CELSR1: variants seen among roughly 807,000 people sequenced by gnomAD.
CELSR1 encodes adhesion G protein-coupled receptor C1.
Under a neutral mutation model 249.1 loss-of-function variants are expected in CELSR1, and 110 were observed. That is an observed-to-expected ratio of 0.44 (90% CI 0.38 to 0.52). CELSR1 has a LOEUF of 0.52. Ranked by LOEUF, CELSR1 falls within the 20% of genes least tolerant of loss-of-function variation. The probability of loss-of-function intolerance (pLI) is 0.00; values close to 1 mark genes in which losing one functional copy is unlikely to be tolerated. For synonymous variants in CELSR1, 2,113 were observed against 1,900.0 expected, an observed-to-expected ratio of 1.11 and a Z score of -2.92; for missense variants, 4,109 against 4,296.4, an observed-to-expected ratio of 0.96 and a Z score of 1.22.
chr22:46,503,523 C>T (rs1185082525), intron 1 of CELSR1, among the ~76,000 whole-genome samples: 1 of 152,262 alleles, frequency 6.6e-6, no homozygotes, highest in East Asian at 1.9e-4. Flanking sequence ...ATGAACTCAA[C>T]CAACTGCATC....
intron 1 of CELSR1, chr22:46,530,337 T>C (rs946819382): frequency 2.7e-5 from 4 of 148,918 alleles, no homozygotes; most frequent in African/African-American, 7.3e-5. Flanking sequence ...TATAATTCAT[T>C]ATAACATATA....
intron 1 of CELSR1, among the ~76,000 whole-genome samples, chr22:46,516,035 G>A (rs1161819078): frequency 1.3e-5 from 2 of 152,212 alleles, no homozygotes; most frequent in African/African-American, 4.8e-5. Context: ...GAACCATTGT[G>A]GAAGACAGTG....
intron 22 of CELSR1, among the ~76,000 whole-genome samples, chr22:46,379,912 G>A (rs1010653831): frequency 6.6e-6 from 1 of 152,154 alleles, no homozygotes; most frequent in Non-Finnish European, 1.5e-5. Flanking sequence ...CCGGCAACAG[G>A]GCCCTTCCCA....
At chr22:46,525,314 T>C (rs1243053674) in intron 1 of CELSR1, among the ~76,000 whole-genome samples, 1 of 152,068 alleles carries the variant, frequency 6.6e-6, no homozygotes, top group Non-Finnish European at 1.5e-5. Flanking sequence ...CCGGGTGTGG[T>C]GGTGCGCGCC....
Position 46,408,887 on chromosome 22 carries a change from G to T in CELSR1, c.5226+109C>A. 1 of 873,064 alleles carries T rather than the reference G, an allele frequency of 1.1e-6. No individual in the cohort carries two copies. The highest frequency in any genetic ancestry group is 1.7e-6 in the Non-Finnish European group (1 of 592,168). The allele number at this position is 873,064 out of a possible 1,614,324, so 54.1% of individuals were successfully genotyped here. On this transcript the variant is annotated intron_variant, in intron 9 of 34. Transcript: ENST00000674500. This position sits in a 1 kb window ranked among gnomAD's most constrained non-coding sequence, Gnocchi z 4.6. Reference sequence around the variant, plus strand: ...GAGAACCCCAGGGGCGGGCGCCGGAGGAAGGGCGAGTAGCAGGTGCCCGAG... The same window carrying T: ...GAGAACCCCAGGGGCGGGCGCCGGATGAAGGGCGAGTAGCAGGTGCCCGAG...
chr22:46,369,765 G>C lies in CELSR1; in HGVS notation c.7799C>G (p.Pro2600Arg), dbSNP rs770914606. The change falls in exon 26 of 35, where the codon CCC (proline) becomes CGC (arginine). Residue 2600 changes from proline to arginine, a missense_variant. Physicochemically the swap from Pro to Arg is moderately radical, Grantham distance 103. This residue lies in a region of CELSR1 where 1,805 missense variants were observed against 1,831.6 expected (regional missense o/e 0.99). Transcript: ENST00000674500. Reference sequence around the variant, plus strand: ...TTGAAGCGACAGCCAGCAGAAGTCGGGGTTCCCGTAGCCCTGGGGGTCCAG... The same window carrying C: ...TTGAAGCGACAGCCAGCAGAAGTCGCGGTTCCCGTAGCCCTGGGGGTCCAG... ...VGLDPQGYGN[P>R]DFCWLSLQDT... 6.2e-6 allele frequency: 10 copies of C among 1,613,338 alleles called. No homozygotes were observed. Among genetic ancestry groups the C allele is most frequent in the Non-Finnish European group, 8.5e-6 (10 of 1,180,000 alleles).
At position 46,391,692 on chromosome 22, in the gene CELSR1, C is replaced by A; in HGVS notation, c.6089G>T (p.Gly2030Val). Residue 2030 changes from glycine to valine, a missense_variant, in exon 15 of 35, where the codon GGC (glycine) becomes GTC (valine). This residue lies in a region of CELSR1 where 1,805 missense variants were observed against 1,831.6 expected (regional missense o/e 0.99). Coordinates refer to ENST00000674500, the MANE Select transcript of CELSR1 (RefSeq NM_001378328.1). This position sits in a 1 kb window ranked among gnomAD's most constrained non-coding sequence, Gnocchi z 4.3. ...GTTGTCGCAGCGGTTGCACTGGCGG[C>A]CGATGACGCCGGGCTTGCAGGCACA... ...GQCACKPGVI[G>V]RQCNRCDNPF... 1 of 1,609,770 alleles carries A rather than the reference C, an allele frequency of 6.2e-7. No individual in the cohort carries two copies. The highest frequency in any genetic ancestry group is 8.5e-7 in the Non-Finnish European group (1 of 1,179,380).
chr22:46,420,417 C>A (rs917796581), intron 5 of CELSR1, among the ~76,000 whole-genome samples: 3 of 152,030 alleles, frequency 2.0e-5, no homozygotes, highest in African/African-American at 7.3e-5. Context: ...TGTGCTTCTT[C>A]ACACACGTGC....
At chr22:46,460,057 A>C (rs775732127) in intron 2 of CELSR1, among the ~76,000 whole-genome samples, 4 of 152,070 alleles carry the variant, frequency 2.6e-5, no homozygotes, top group Admixed American at 2.0e-4. Context: ...AAATACAAAA[A>C]ATTAGCCGGG....
At position 46,518,355 on chromosome 22, in the gene CELSR1, G is replaced by A. The variant is rs930132891; in HGVS notation, c.3544+15272C>T. On this transcript the variant is annotated intron_variant, in intron 1 of 34. Transcript: ENST00000674500. The surrounding 1 kb of genome is among the most constrained non-coding windows in gnomAD (Gnocchi z 5.2). ...CTCAGCCCGTGCCACACTCAGTCTCGTTAGAGGAGAACGAAGGGAGTGGGC... is the reference window on the plus strand; with the variant it reads ...CTCAGCCCGTGCCACACTCAGTCTCATTAGAGGAGAACGAAGGGAGTGGGC... Among the ~76,000 whole-genome samples the A allele has an allele frequency of 8.5e-5, 13 of 152,222 alleles. No homozygotes were observed. The highest frequency in any genetic ancestry group is 2.7e-4 in the African/African-American group (11 of 41,458).
chr22:46,391,433 T>G lies in CELSR1; in HGVS notation c.6149-146A>C. 1.1e-6 allele frequency: 1 copy of G among 892,468 alleles called. No individual in the cohort carries two copies. The highest frequency in any genetic ancestry group is 1.7e-5 in the South Asian group (1 of 58,952). 55.3% of individuals were successfully genotyped at this position (892,468 alleles called of 1,614,324 possible). A position where few individuals can be genotyped will look rare whatever the true frequency, so the allele number is the denominator to read the frequency against. Reference sequence around the variant, plus strand: ...CTAGCATCTCCCCTGCCCCCATCCATGTCAGAGCTGGAGAGGGGTGACCAG... The same window carrying G: ...CTAGCATCTCCCCTGCCCCCATCCAGGTCAGAGCTGGAGAGGGGTGACCAG... On this transcript the variant is annotated intron_variant, in intron 15 of 34. Transcript: ENST00000674500. This position sits in a 1 kb window ranked among gnomAD's most constrained non-coding sequence, Gnocchi z 4.3.
rs141446904 is a variant in CELSR1 at position 46,512,480 on chromosome 22, G to A, written c.3544+21147C>T. The stretch of plus-strand genomic sequence containing the variant: ...CCAGCTACGTAGAAGGCTGAGGCAC[G>A]AGAATTGCTTGAACCCGGGAGGCGG... On this transcript the variant is annotated intron_variant, in intron 1 of 34. Transcript: ENST00000674500. The surrounding 1 kb of genome is among the most constrained non-coding windows in gnomAD (Gnocchi z 5.2). Among the ~76,000 whole-genome samples, 278 of 152,298 alleles carry A rather than the reference G, an allele frequency of 1.8e-3. 2 individuals are homozygous for A. The highest frequency in any genetic ancestry group is 6.3e-3 in the African/African-American group (261 of 41,560).
At position 46,398,191 on chromosome 22, in the gene CELSR1, C is replaced by T. The variant is rs1488369357; in HGVS notation, c.5526+333G>A. 2.0e-5 allele frequency among the ~76,000 whole-genome samples: 3 copies of T among 151,710 alleles called. No homozygotes were observed. The highest frequency in any genetic ancestry group is 4.2e-4 in the South Asian group (2 of 4,798). On this transcript the variant is annotated intron_variant, in intron 11 of 34. Coordinates refer to ENST00000674500, the MANE Select transcript of CELSR1 (RefSeq NM_001378328.1). The surrounding 1 kb of genome is among the most constrained non-coding windows in gnomAD (Gnocchi z 7.2). ...AACCCCTGGCTCCAGGGGACAGGCA[C>T]GGGGCCCACTTGGGTGACGTCTGTG...
rs982981535 is a variant in CELSR1, at chr22:46,433,618, G to A, written c.4523-137C>T. 2 of 621,652 alleles carry A rather than the reference G, an allele frequency of 3.2e-6. No individual in the cohort carries two copies. Among genetic ancestry groups the A allele is most frequent in the Non-Finnish European group, 5.8e-6 (2 of 345,712 alleles). The allele number at this position is 621,652 out of a possible 1,614,324, so 38.5% of individuals were successfully genotyped here. ...CTCCCTCCCCTCCCCACGGCACCAT[G>A]GTGGGAGGCGCCCACCACTCCATCC... is the stretch of plus-strand genomic sequence containing the variant. On this transcript the variant is annotated intron_variant, in intron 4 of 34. Coordinates refer to ENST00000674500, the MANE Select transcript of CELSR1 (RefSeq NM_001378328.1). The surrounding 1 kb of genome is among the most constrained non-coding windows in gnomAD (Gnocchi z 5.7).
At position 46,362,333 on chromosome 22, in the gene CELSR1, C is replaced by T. The variant is rs1048899558; in HGVS notation, c.*890G>A. 1.3e-5 allele frequency: 2 copies of T among 152,332 alleles called. No homozygotes were observed. Among genetic ancestry groups the T allele is most frequent in the Admixed American group, 6.5e-5 (1 of 15,290 alleles). The allele number at this position is 152,332 out of a possible 1,614,324, so 9.4% of individuals were successfully genotyped here. A position where few individuals can be genotyped will look rare whatever the true frequency, so the allele number is the denominator to read the frequency against. ...GTGACCTCAGCAGGGCTCCTCACAC[C>T]TGCCTAGTGCTGCACTGCCCTGTCT... On this transcript the variant is annotated 3_prime_UTR_variant, in exon 35 of 35. Transcript: ENST00000674500.
chr22:46,530,301 A>C (rs2080778818), intron 1 of CELSR1: 1 of 151,104 alleles, frequency 6.6e-6, no homozygotes, highest in African/African-American at 2.4e-5. Flanking sequence ...ATATACACAC[A>C]CATAAATTTG....
chr22:46,466,323 C>T (rs548429304), intron 1 of CELSR1, among the ~76,000 whole-genome samples: 6 of 152,336 alleles, frequency 3.9e-5, no homozygotes, highest in Admixed American at 1.3e-4. Context: ...GGCCCTGAGA[C>T]GGCTGGGTCC....
intron 1 of CELSR1, among the ~76,000 whole-genome samples, chr22:46,514,136 C>G (rs896731784): frequency 2.0e-5 from 3 of 152,106 alleles, no homozygotes; most frequent in Non-Finnish European, 2.9e-5. Flanking sequence ...CTTGTCTACA[C>G]TTTTCTCACA....
intron 1 of CELSR1, among the ~76,000 whole-genome samples, chr22:46,524,554 G>T (rs1292121285): frequency 8.3e-6 from 1 of 120,010 alleles, no homozygotes; most frequent in Non-Finnish European, 1.9e-5. Context: ...GTGTGTGTGT[G>T]TGTGTGTGTG....
Sources: gnomAD v4.1 joint callset for allele counts (sites outside exome capture counted in the v4.1 genomes callset) on GRCh38, gnomAD v4.1.1 for gene constraint, gnomAD v4.1.1 regional missense constraint, Gnocchi (gnomAD v3.1) non-coding constraint, MANE v1.5 for transcripts, NCBI Gene and HGNC (gene_info 2026-07-23, HGNC 2026-07-21) for gene names.